LRRC7: variants seen among roughly 807,000 people sequenced by gnomAD.
LRRC7 encodes leucine rich repeat containing 7.
A neutral mutation model predicts 175.7 loss-of-function variants in LRRC7; 23 were observed. The observed-to-expected ratio is 0.13, with a 90% CI of 0.09 to 0.19. The LOEUF is 0.19. Ranked by LOEUF, LRRC7 falls within the 10% of genes least tolerant of loss-of-function variation. LRRC7 has a pLI of 1.00. For missense variants in LRRC7, 1,354 were observed against 1,904.7 expected (o/e 0.71, Z 5.38); for synonymous variants, 685 against 680.9 (o/e 1.01, Z -0.09).
intron 4 of LRRC7, among the ~76,000 whole-genome samples, chr1:69,795,507 T>A (rs572364694): frequency 4.7e-4 from 71 of 152,176 alleles, no homozygotes; most frequent in African/African-American, 1.4e-3. Flanking sequence ...AGTGTCAGAA[T>A]CACAGTTGAC....
At chr1:69,608,340 T>C (rs1647984776) in intron 1 of LRRC7, 1 of 152,118 alleles carries the variant, frequency 6.6e-6, no homozygotes, top group Admixed American at 6.6e-5. Context: ...AGCCCTCCTT[T>C]ATATTCCAAG....
chr1:69,716,364 A>T (rs1665346510), intron 2 of LRRC7: 1 of 399,982 alleles, frequency 2.5e-6, no homozygotes, highest in Non-Finnish European at 4.6e-6. Context: ...TCACAAAAAT[A>T]ATTAGGAAGA....
chr1:69,750,092 A>ATAAATAAATAAATAAT lies in LRRC7; in HGVS notation c.101-10096_101-10095insATAAATAAATAATTAA, dbSNP rs1356835263. ...AATAAATAAATAAATAAATAAATAAATAATAATAACTGAAAAGTGAGGTTA... is the reference window on the plus strand; with the variant it reads ...AATAAATAAATAAATAAATAAATAAATAAATAAATAAATAATTAATAATAACTGAAAAGTGAGGTTA... On this transcript the variant is annotated intron_variant, in intron 2 of 26. Transcript: ENST00000651989. Among the ~76,000 whole-genome samples the ATAAATAAATAAATAAT allele has an allele frequency of 1.1e-3, 44 of 40,754 alleles. 1 individual carries two copies. Among genetic ancestry groups the ATAAATAAATAAATAAT allele is most frequent in the Admixed American group, 5.3e-3 (21 of 3,940 alleles). The allele number at this position is 40,754 out of a possible 152,430, so 26.7% of individuals were successfully genotyped here.
chr1:69,789,596 C>T (rs920134072), intron 3 of LRRC7, among the ~76,000 whole-genome samples: 6 of 152,104 alleles, frequency 3.9e-5, no homozygotes, highest in Non-Finnish European at 8.8e-5. Context: ...TTAGATTCCA[C>T]TGAGACTGTT....
At position 70,128,563 on chromosome 1, in the gene LRRC7, C is replaced by G. The variant is rs917765421; in HGVS notation, c.*6676C>G. On this transcript the variant is annotated 3_prime_UTR_variant, in exon 27 of 27. Transcript: ENST00000651989. Reference sequence around the variant, plus strand: ...GAAAACATTTACTGTAGCTGAATCTCTGAGGCCTAAAGTATATTATTCATA... The same window carrying G: ...GAAAACATTTACTGTAGCTGAATCTGTGAGGCCTAAAGTATATTATTCATA... 1 of 152,134 alleles carries G rather than the reference C, an allele frequency of 6.6e-6. No homozygotes were observed. Among genetic ancestry groups the G allele is most frequent in the Non-Finnish European group, 1.5e-5 (1 of 68,018 alleles). The allele number at this position is 152,134 out of a possible 1,614,324, so 9.4% of individuals were successfully genotyped here. A position where few individuals can be genotyped will look rare whatever the true frequency, so the allele number is the denominator to read the frequency against.
chr1:69,580,523 G>A lies in LRRC7; in HGVS notation c.2+11882G>A, dbSNP rs375702503. 1.1e-4 allele frequency among the ~76,000 whole-genome samples: 17 copies of A among 152,190 alleles called. No homozygotes were observed. The South Asian group carries it at 3.3e-3, about 30-fold the overall frequency. ...ACTGTTCTTGCACAACTCAGGAATAGCTCCTCCGATTTGTAAACAAATCAA... is the reference window on the plus strand; with the variant it reads ...ACTGTTCTTGCACAACTCAGGAATAACTCCTCCGATTTGTAAACAAATCAA... On this transcript the variant is annotated intron_variant, in intron 1 of 26. Coordinates refer to ENST00000651989, the MANE Select transcript of LRRC7 (RefSeq NM_001370785.2).
chr1:69,692,351 T>G (rs1570379888), intron 2 of LRRC7, among the ~76,000 whole-genome samples: 1 of 152,232 alleles, frequency 6.6e-6, no homozygotes, highest in South Asian at 2.1e-4. Flanking sequence ...GAAATCCCTC[T>G]ACACAGAAAA....
intron 2 of LRRC7, among the ~76,000 whole-genome samples, chr1:69,704,687 T>TA (rs780503450): frequency 6.6e-6 from 1 of 152,018 alleles, no homozygotes; most frequent in African/African-American, 2.4e-5. Flanking sequence ...CAGACTTTGC[T>TA]AAAAAATCTT....
intron 2 of LRRC7, among the ~76,000 whole-genome samples, chr1:69,732,032 T>C (rs925958930): frequency 1.3e-5 from 2 of 152,100 alleles, no homozygotes; most frequent in Non-Finnish European, 2.9e-5. Context: ...ATTTCTTTTA[T>C]ACCAATGGAA....
At chr1:69,691,668 C>T (rs1056433994) in intron 2 of LRRC7, among the ~76,000 whole-genome samples, 2 of 151,780 alleles carry the variant, frequency 1.3e-5, no homozygotes, top group African/African-American at 2.4e-5. Flanking sequence ...AGTAGTGGCA[C>T]ATGCCTGTAG....
At chr1:69,833,721 G>A (rs753611351) in intron 5 of LRRC7, among the ~76,000 whole-genome samples, 2 of 151,990 alleles carry the variant, frequency 1.3e-5, no homozygotes, top group Non-Finnish European at 2.9e-5. Context: ...GCTAGGCAGC[G>A]TAGGATCCGA....
chr1:69,986,585 G>C lies in LRRC7; in HGVS notation c.931+199G>C, dbSNP rs115863660. Among the ~76,000 whole-genome samples the C allele has an allele frequency of 7.2e-3, 1,091 of 152,176 alleles. 13 individuals carry two copies. The highest frequency in any genetic ancestry group is 0.024 in the African/African-American group (1,003 of 41,536). The stretch of plus-strand genomic sequence containing the variant: ...TTAACTCGTTTCCAAATTCAAGAAG[G>C]CTCTTCTGTTAAAATGATCCTACCA... On this transcript the variant is annotated intron_variant, in intron 10 of 26. Transcript: ENST00000651989.
At chr1:69,900,682 A>T (rs2101666783) in intron 7 of LRRC7, among the ~76,000 whole-genome samples, 1 of 152,284 alleles carries the variant, frequency 6.6e-6, no homozygotes. Context: ...CAAATTCTGA[A>T]ATGCTCCAAT....
intron 1 of LRRC7, among the ~76,000 whole-genome samples, chr1:69,635,903 A>G (rs1653278279): frequency 6.6e-6 from 1 of 152,060 alleles, no homozygotes; most frequent in Non-Finnish European, 1.5e-5. Flanking sequence ...ATATTAAATT[A>G]GTGAAAATGA....
chr1:70,096,542 T>G (rs996937010), intron 25 of LRRC7, among the ~76,000 whole-genome samples: 1 of 152,184 alleles, frequency 6.6e-6, no homozygotes, highest in Non-Finnish European at 1.5e-5. Flanking sequence ...TCATATTTAT[T>G]TATTTGTCTT....
chr1:69,841,620 T>A (rs1681740897), intron 7 of LRRC7, among the ~76,000 whole-genome samples: 1 of 152,132 alleles, frequency 6.6e-6, no homozygotes, highest in African/African-American at 2.4e-5. Flanking sequence ...TTGTGTTTGA[T>A]TTTCATCATA....
Position 69,930,830 on chromosome 1 carries a change from T to C in LRRC7, c.648-677T>C, listed in dbSNP as rs958918818. On this transcript the variant is annotated intron_variant, in intron 7 of 26. Transcript: ENST00000651989. Reference sequence around the variant, plus strand: ...TGAAGGAGGAACTGTCAAACACTTATAAAACCTTCAGATCTCATGAGAATT... The same window carrying C: ...TGAAGGAGGAACTGTCAAACACTTACAAAACCTTCAGATCTCATGAGAATT... 5.9e-5 allele frequency among the ~76,000 whole-genome samples: 9 copies of C among 151,492 alleles called. No homozygotes were observed. The East Asian group carries it at 1.5e-3, about 26-fold the overall frequency.
intron 14 of LRRC7, 134 bp from the exon 15 acceptor site, chr1:70,018,585 C>A: frequency 1.9e-6 from 1 of 520,946 alleles, no homozygotes; most frequent in Non-Finnish European, 3.4e-6. Flanking sequence ...AGTATTATTT[C>A]ATGTTGTAAT....
At chr1:69,739,624 C>G (rs368727895) in intron 2 of LRRC7, among the ~76,000 whole-genome samples, 1 of 151,842 alleles carries the variant, frequency 6.6e-6, no homozygotes, top group African/African-American at 2.4e-5. Context: ...TCAATTGTTC[C>G]GACTAGGATT....
Sources: gnomAD v4.1 joint callset for allele counts (sites outside exome capture counted in the v4.1 genomes callset) on GRCh38, gnomAD v4.1.1 for gene constraint, MANE v1.5 for transcripts, NCBI Gene and HGNC (gene_info 2026-07-23, HGNC 2026-07-21) for gene names.